CNTN1: variants seen among roughly 807,000 people sequenced by gnomAD.
CNTN1 encodes the protein contactin-1.
A neutral mutation model predicts 126.4 loss-of-function variants in CNTN1; 38 were observed. The ratio of observed to expected loss-of-function variants is 0.30; its 90% CI spans 0.23 to 0.39. CNTN1 has a LOEUF of 0.39. Among genes scored for constraint, CNTN1 ranks in the 10% least tolerant of loss-of-function variants. The pLI is 1.00. For missense variants in CNTN1, 1,009 were observed against 1,248.4 expected, an observed-to-expected ratio of 0.81 and a Z score of 2.89; for synonymous variants, 413 against 422.6, an observed-to-expected ratio of 0.98 and a Z score of 0.28.
At position 41,007,371 on chromosome 12, in the gene CNTN1, T is replaced by TG. The variant is rs534799919; in HGVS notation, c.2114-6857_2114-6856insG. Among the ~76,000 whole-genome samples, 20 of 152,224 alleles carry TG rather than the reference T, an allele frequency of 1.3e-4. No homozygotes were observed. In the South Asian group the frequency reaches 3.5e-3, roughly 27 times the overall value. On this transcript the variant is annotated intron_variant, in intron 17 of 23. Transcript: ENST00000551295. ...CACCGCGCCCGGCCAGTTTTGTGTG[T>TG]TTTTAAAGAGAAATTTCAGTTATTT...
intron 1 of CNTN1, among the ~76,000 whole-genome samples, chr12:40,750,419 A>C (rs1938361623): frequency 6.6e-6 from 1 of 152,116 alleles, no homozygotes; most frequent in African/African-American, 2.4e-5. Flanking sequence ...GACATGATGC[A>C]TGAATACAGA....
At chr12:40,826,253 G>A (rs1053894461) in intron 1 of CNTN1, among the ~76,000 whole-genome samples, 1 of 151,906 alleles carries the variant, frequency 6.6e-6, no homozygotes, top group African/African-American at 2.4e-5. Context: ...ATATGAAATT[G>A]ATTCTATATA....
chr12:41,009,108 G>T (rs1253577269), intron 17 of CNTN1, among the ~76,000 whole-genome samples: 1 of 152,166 alleles, frequency 6.6e-6, no homozygotes, highest in Non-Finnish European at 1.5e-5. Context: ...GATTTTCTAG[G>T]GGAGTTTCCC....
chr12:40,935,534 CTG>C (rs1946051086), intron 9 of CNTN1, among the ~76,000 whole-genome samples: 1 of 152,066 alleles, frequency 6.6e-6, no homozygotes, highest in African/African-American at 2.4e-5. Flanking sequence ...CATATATAGA[CTG>C]TGTCAAGCCA....
chr12:40,900,067 G>A (rs1944553917), intron 1 of CNTN1, among the ~76,000 whole-genome samples: 2 of 152,080 alleles, frequency 1.3e-5, no homozygotes, highest in African/African-American at 2.4e-5. Flanking sequence ...TCCATCTCTA[G>A]AAATGGCTGC....
At chr12:40,695,730 A>G (rs768186254) in intron 1 of CNTN1, among the ~76,000 whole-genome samples, 1 of 152,130 alleles carries the variant, frequency 6.6e-6, no homozygotes, top group African/African-American at 2.4e-5. Flanking sequence ...TTGCTCCTTG[A>G]CACCACAATG....
chr12:41,039,673 A>T (rs552136641), intron 23 of CNTN1, among the ~76,000 whole-genome samples: 3 of 152,262 alleles, frequency 2.0e-5, no homozygotes, highest in African/African-American at 7.2e-5. Flanking sequence ...TCAGAGAACC[A>T]ACTGGCATAA....
intron 17 of CNTN1, among the ~76,000 whole-genome samples, chr12:41,001,040 G>A (rs981193081): frequency 1.1e-4 from 17 of 152,114 alleles, no homozygotes; most frequent in African/African-American, 3.4e-4. Context: ...TCACTGATGG[G>A]CATTTAGGCT....
At chr12:40,878,167 T>C (rs1229472028) in intron 1 of CNTN1, among the ~76,000 whole-genome samples, 1 of 151,704 alleles carries the variant, frequency 6.6e-6, no homozygotes, top group Non-Finnish European at 1.5e-5. Context: ...CCGGCTAATG[T>C]TGTATTTTTA....
At chr12:41,041,732 GT>G (rs1383491093) in intron 23 of CNTN1, among the ~76,000 whole-genome samples, 1 of 152,144 alleles carries the variant, frequency 6.6e-6, no homozygotes, top group Non-Finnish European at 1.5e-5. Flanking sequence ...TCCAATGGTA[GT>G]TTGTATTTCT....
At chr12:40,836,114 G>T (rs1172060673) in intron 1 of CNTN1, among the ~76,000 whole-genome samples, 1 of 145,396 alleles carries the variant, frequency 6.9e-6, no homozygotes, top group Non-Finnish European at 1.5e-5. Context: ...ACATATACAG[G>T]TATATATATA....
intron 23 of CNTN1, among the ~76,000 whole-genome samples, chr12:41,048,034 T>C (rs1949584460): frequency 1.3e-5 from 2 of 152,126 alleles, no homozygotes; most frequent in African/African-American, 4.8e-5. Flanking sequence ...AATATAATTA[T>C]TCCCTTGCAT....
intron 1 of CNTN1, among the ~76,000 whole-genome samples, chr12:40,889,217 C>T (rs1944158759): frequency 6.6e-6 from 1 of 152,164 alleles, no homozygotes; most frequent in South Asian, 2.1e-4. Flanking sequence ...ATTAAAATCA[C>T]TGCTCTTTAT....
At chr12:40,718,168 T>G (rs1220669214) in intron 1 of CNTN1, among the ~76,000 whole-genome samples, 1 of 151,888 alleles carries the variant, frequency 6.6e-6, no homozygotes, top group Non-Finnish European at 1.5e-5. Flanking sequence ...CATGAAAGGT[T>G]TTTTGTTTTG....
intron 1 of CNTN1, among the ~76,000 whole-genome samples, chr12:40,764,899 G>A (rs1447290146): frequency 1.3e-5 from 2 of 152,024 alleles, no homozygotes; most frequent in Non-Finnish European, 2.9e-5. Context: ...GGATTTTCTA[G>A]TTATCTTTTG....
At chr12:41,012,356 A>G (rs1326567172) in intron 17 of CNTN1, among the ~76,000 whole-genome samples, 4 of 152,202 alleles carry the variant, frequency 2.6e-5, no homozygotes, top group Non-Finnish European at 5.9e-5. Context: ...GCCAAACAGG[A>G]TTCCTTCCCT....
chr12:40,950,097 GGTGTGTGTGTGTGTGTGTGTGT>G lies in CNTN1; in HGVS notation c.1683+5952_1683+5973del, dbSNP rs59713493. On this transcript the variant is annotated intron_variant, in intron 14 of 23. Coordinates refer to ENST00000551295, the MANE Select transcript of CNTN1 (RefSeq NM_001843.4). ...ATCACAACTGTAGAGGTGTTGAGAG[GGTGTGTGTGTGTGTGTGTGTGT>G]GTGTGTGTGTGTGTGTGTGTGTGTA... is the stretch of plus-strand genomic sequence containing the variant. Among the ~76,000 whole-genome samples the G allele has an allele frequency of 3.1e-4, 45 of 145,336 alleles. No homozygotes were observed. In the South Asian group the frequency reaches 5.4e-3, roughly 17 times the overall value.
At chr12:40,829,485 A>G (rs1201372712) in intron 1 of CNTN1, among the ~76,000 whole-genome samples, 1 of 152,264 alleles carries the variant, frequency 6.6e-6, no homozygotes, top group East Asian at 1.9e-4. Flanking sequence ...TTTGGGAAAA[A>G]AAAGTATCAC....
At chr12:40,868,338 C>T (rs1056678170) in intron 1 of CNTN1, among the ~76,000 whole-genome samples, 2 of 152,032 alleles carry the variant, frequency 1.3e-5, no homozygotes, top group Admixed American at 6.6e-5. Flanking sequence ...AATTTCAAAG[C>T]AAAGCTTCTA....
Sources: gnomAD v4.1 joint callset for allele counts (sites outside exome capture counted in the v4.1 genomes callset) on GRCh38, gnomAD v4.1.1 for gene constraint, MANE v1.5 for transcripts, NCBI Gene and HGNC (gene_info 2026-07-23, HGNC 2026-07-21) for gene names.